MYOM3: variants seen among roughly 807,000 people sequenced by gnomAD.
The protein encoded by MYOM3 is myomesin-3.
A neutral mutation model predicts 191.7 loss-of-function variants in MYOM3; 155 were observed. The observed-to-expected ratio is 0.81, with a 90% CI of 0.71 to 0.92. The LOEUF is 0.92. MYOM3 is among the 40% of genes least tolerant of loss of function. The pLI, the probability that MYOM3 is intolerant of heterozygous loss-of-function variation, is 0.00. For missense variants in MYOM3, 1,889 were observed against 1,890.6 expected (o/e 1.00, Z 0.02); for synonymous variants, 757 against 762.9 (o/e 0.99, Z 0.13).
chr1:24,068,917 T>A (rs1418245645), intron 25 of MYOM3, among the ~76,000 whole-genome samples: 1 of 152,104 alleles, frequency 6.6e-6, no homozygotes, highest in Non-Finnish European at 1.5e-5. Flanking sequence ...AGAGACTGGG[T>A]TTCACCATGT....
intron 10 of MYOM3, among the ~76,000 whole-genome samples, 154 bp downstream of exon 10, chr1:24,092,793 G>A (rs1056149818): frequency 2.0e-5 from 3 of 152,200 alleles, no homozygotes; most frequent in Non-Finnish European, 2.9e-5. Context: ...GCCACGGGGA[G>A]TCTTGGAGAC....
At chr1:24,073,424 T>A (rs1643554830) in intron 23 of MYOM3, among the ~76,000 whole-genome samples, 1 of 152,232 alleles carries the variant, frequency 6.6e-6, no homozygotes, top group African/African-American at 2.4e-5. Flanking sequence ...ATTCACTCTC[T>A]GGTTACCCGC....
Position 24,057,222 on chromosome 1 carries a change from C to A in MYOM3, c.*142G>T. ...CTCCACTTTGGTGCATCCGCTCCACCCCCACCCTCACATCCTGGGTTCTAT... is the reference window on the plus strand; with the variant it reads ...CTCCACTTTGGTGCATCCGCTCCACACCCACCCTCACATCCTGGGTTCTAT... On this transcript the variant is annotated 3_prime_UTR_variant, in exon 37 of 37. Coordinates refer to ENST00000374434, the MANE Select transcript of MYOM3 (RefSeq NM_152372.4). 1.2e-6 allele frequency: 1 copy of A among 838,130 alleles called. No individual in the cohort carries two copies. The highest frequency in any genetic ancestry group is 1.8e-6 in the Non-Finnish European group (1 of 550,868). 51.9% of individuals were successfully genotyped at this position (838,130 alleles called of 1,614,324 possible).
chr1:24,067,453 TTCC>T (rs1413670881), intron 27 of MYOM3, among the ~76,000 whole-genome samples: 193 of 133,128 alleles, frequency 1.4e-3, no homozygotes, highest in Non-Finnish European at 2.3e-3. Context: ...CTTTGTTTCC[TTCC>T]TTCTTTCTTT....
At chr1:24,096,890 G>A (rs977996168) in intron 7 of MYOM3, among the ~76,000 whole-genome samples, 1 of 152,216 alleles carries the variant, frequency 6.6e-6, no homozygotes, top group African/African-American at 2.4e-5. Flanking sequence ...AGGCTTATAC[G>A]TATCATCTCA....
intron 2 of MYOM3, 197 bp downstream of exon 2, chr1:24,108,279 G>T: frequency 1.4e-6 from 1 of 739,104 alleles, no homozygotes; most frequent in Non-Finnish European, 2.2e-6. Flanking sequence ...CCAGAGGACA[G>T]GGCTGTGCCT....
intron 5 of MYOM3, among the ~76,000 whole-genome samples, chr1:24,104,467 G>A (rs1643966047): frequency 1.3e-5 from 2 of 152,034 alleles, no homozygotes; most frequent in African/African-American, 4.8e-5. Context: ...GTGAGATTGT[G>A]TCTGGTTATT....
Position 24,107,107 on chromosome 1 carries a change from C to A in MYOM3, c.368G>T (p.Arg123Leu). The change falls in exon 4 of 37, where the codon CGC becomes CTC. Residue 123 changes from arginine (R) to leucine (L), a missense_variant. Coordinates refer to ENST00000374434, the MANE Select transcript of MYOM3 (RefSeq NM_152372.4). ...CAGCGTCTTCCAGTCCCGCCTCTGG[C>A]GCAGCAGCCGGTGGGTCTGCAGGAA... ...IAFLQTHRLLRQRRDWKTLRR... is the reference protein window; with the variant it reads ...IAFLQTHRLLLQRRDWKTLRR... The A allele has an allele frequency of 6.2e-7, 1 of 1,611,468 alleles. No homozygotes were observed. The highest frequency in any genetic ancestry group is 1.1e-5 in the South Asian group (1 of 90,492).
chr1:24,108,166 G>C, intron 2 of MYOM3, 93 bp from the exon 3 acceptor site: 1 of 1,204,230 alleles, frequency 8.3e-7, no homozygotes, highest in Non-Finnish European at 1.2e-6. Flanking sequence ...CAGCCTCAGG[G>C]CACCAGCAGG....
At chr1:24,075,230 C>T (rs1461866689) in intron 22 of MYOM3, 89 bp downstream of exon 22, 6 of 1,342,810 alleles carry the variant, frequency 4.5e-6, no homozygotes, top group Non-Finnish European at 3.2e-6. Flanking sequence ...ATGGGTCCTG[C>T]CCTGTGGTCT....
At chr1:24,061,572 C>A (rs1643370627) in intron 33 of MYOM3, among the ~76,000 whole-genome samples, 1 of 151,886 alleles carries the variant, frequency 6.6e-6, no homozygotes, top group Admixed American at 6.6e-5. Context: ...CCCAGAGTAA[C>A]CTTTATTATT....
intron 27 of MYOM3, among the ~76,000 whole-genome samples, chr1:24,067,332 C>CTT (rs1557602345): frequency 2.9e-5 from 2 of 68,560 alleles, no homozygotes; most frequent in Non-Finnish European, 6.0e-5. Context: ...TTCCTTCTTT[C>CTT]TTTCTTTCTT....
chr1:24,099,989 C>T (rs1643900774), intron 5 of MYOM3, among the ~76,000 whole-genome samples: 1 of 152,154 alleles, frequency 6.6e-6, no homozygotes, highest in Non-Finnish European at 1.5e-5. Context: ...CTGCCTCAGC[C>T]TCCTGAGTAG....
At chr1:24,091,436 G>C (rs1643826089) in intron 11 of MYOM3, among the ~76,000 whole-genome samples, 1 of 152,180 alleles carries the variant, frequency 6.6e-6, no homozygotes, top group Non-Finnish European at 1.5e-5. Context: ...CTCCAAGCCT[G>C]GGCTCTCTGT....
At chr1:24,069,629 A>G (rs1643498699) in intron 25 of MYOM3, among the ~76,000 whole-genome samples, 1 of 82,132 alleles carries the variant, frequency 1.2e-5, no homozygotes, top group East Asian at 2.7e-4. Flanking sequence ...TTTTTTTTTG[A>G]GACAGAGTCT....
intron 1 of MYOM3, among the ~76,000 whole-genome samples, chr1:24,110,495 G>T (rs1170290946): frequency 2.6e-5 from 4 of 152,206 alleles, no homozygotes; most frequent in Non-Finnish European, 4.4e-5. Context: ...AGAGCCGTTG[G>T]CCTGGAAGGG....
intron 25 of MYOM3, among the ~76,000 whole-genome samples, chr1:24,069,476 G>A (rs531188094): frequency 6.6e-6 from 1 of 152,320 alleles, no homozygotes; most frequent in South Asian, 2.1e-4. Context: ...CCCACAGCAG[G>A]TGGACATGAG....
intron 30 of MYOM3, 66 bp downstream of exon 30, chr1:24,064,006 C>T: frequency 8.4e-7 from 1 of 1,190,382 alleles, no homozygotes; most frequent in Non-Finnish European, 1.2e-6. Context: ...TCTTACTGCA[C>T]AGATCACATC....
In MYOM3 at chr1:24,085,276, GGATA is replaced by G. The variant is rs1375524638; in HGVS notation, c.1799-641_1799-638del. ...TGAATAAATGGATGCATGGATGGAT[GGATA>G]GATGGATGGATGGATGGATGGATGG... On this transcript the variant is annotated intron_variant, in intron 15 of 36. Transcript: ENST00000374434. Among the ~76,000 whole-genome samples the G allele has an allele frequency of 1.0e-4, 11 of 109,060 alleles. No individual in the cohort carries two copies. The South Asian group carries it at 2.4e-3, about 24-fold the overall frequency. 71.5% of individuals were successfully genotyped at this position (109,060 alleles called of 152,430 possible). A position where few individuals can be genotyped will look rare whatever the true frequency, so the allele number is the denominator to read the frequency against.
Sources: gnomAD v4.1 joint callset for allele counts (sites outside exome capture counted in the v4.1 genomes callset) on GRCh38, gnomAD v4.1.1 for gene constraint, MANE v1.5 for transcripts, NCBI Gene and HGNC (gene_info 2026-07-23, HGNC 2026-07-21) for gene names.